Variants in KCNQ5 observed in about 807,000 individuals in gnomAD.
KCNQ5 encodes the protein potassium voltage-gated channel subfamily KQT member 5.
KCNQ5 carries 30 observed loss-of-function variants against 98.2 expected under a neutral mutation model. That is an observed-to-expected ratio of 0.31 (90% CI 0.23 to 0.41). The LOEUF is 0.41. KCNQ5 is among the 10% of genes least tolerant of loss of function. The probability of loss-of-function intolerance (pLI) is 1.00; values close to 1 mark genes in which losing one functional copy is unlikely to be tolerated. For missense variants in KCNQ5, 835 were observed against 1,182.5 expected (o/e 0.71, Z 4.31); for synonymous variants, 458 against 449.4 (o/e 1.02, Z -0.24).
chr6:73,149,222 A>G (rs1383247721), intron 10 of KCNQ5, among the ~76,000 whole-genome samples: 2 of 152,198 alleles, frequency 1.3e-5, no homozygotes, highest in African/African-American at 4.8e-5. Flanking sequence ...ATGGGATAGG[A>G]TAGGACAGAA....
intron 1 of KCNQ5, among the ~76,000 whole-genome samples, chr6:72,910,563 G>GTGTGT (rs1562062145): frequency 6.8e-3 from 295 of 43,068 alleles, no homozygotes; most frequent in African/African-American, 0.015. Flanking sequence ...AAGGTAGGGG[G>GTGTGT]GTGTGTGTGT....
chr6:73,040,600 G>A (rs1345335859), intron 2 of KCNQ5, among the ~76,000 whole-genome samples: 19 of 152,124 alleles, frequency 1.2e-4, no homozygotes, highest in Non-Finnish European at 2.8e-4. Flanking sequence ...GGTTATCTGT[G>A]CATAAAGTCA....
At chr6:72,974,290 T>C (rs1249910286) in intron 1 of KCNQ5, among the ~76,000 whole-genome samples, 2 of 152,042 alleles carry the variant, frequency 1.3e-5, no homozygotes, top group African/African-American at 4.8e-5. Flanking sequence ...ATCTAAAATA[T>C]TTACTATCTG....
intron 2 of KCNQ5, among the ~76,000 whole-genome samples, chr6:73,037,267 G>C (rs944250718): frequency 3.3e-5 from 5 of 152,032 alleles, no homozygotes; most frequent in African/African-American, 1.2e-4. Context: ...TTAGATATTA[G>C]TCCTTTGTCA....
intron 10 of KCNQ5, chr6:73,158,253 GATTT>G (rs67419903): frequency 0.25 from 39,555 of 157,328 alleles, 5,451 homozygotes; most frequent in East Asian, 0.43. Context: ...AATTTTGGAA[GATTT>G]TTTTTTTTTT....
At chr6:72,809,529 G>A (rs1775135324) in intron 1 of KCNQ5, among the ~76,000 whole-genome samples, 1 of 151,572 alleles carries the variant, frequency 6.6e-6, no homozygotes, top group African/African-American at 2.4e-5. Flanking sequence ...TCCAGCCTGG[G>A]TGATGGAGTG....
chr6:72,993,979 A>T (rs1253208020), intron 1 of KCNQ5, among the ~76,000 whole-genome samples: 4 of 79,220 alleles, frequency 5.0e-5, no homozygotes, highest in African/African-American at 2.5e-4. Context: ...CTCGGGGGTC[A>T]GGGGTCAGGG....
intron 1 of KCNQ5, among the ~76,000 whole-genome samples, chr6:72,703,659 G>T (rs1471636280): frequency 6.6e-6 from 1 of 152,158 alleles, no homozygotes; most frequent in Non-Finnish European, 1.5e-5. Flanking sequence ...AAGTTTAGGT[G>T]GTGTAGACGT....
At chr6:72,734,425 C>T (rs577877582) in intron 1 of KCNQ5, among the ~76,000 whole-genome samples, 12 of 151,978 alleles carry the variant, frequency 7.9e-5, no homozygotes, top group South Asian at 2.1e-4. Flanking sequence ...GGGTTCACGC[C>T]ATTCTCCTGC....
intron 1 of KCNQ5, among the ~76,000 whole-genome samples, chr6:72,851,996 A>C (rs1250966640): frequency 1.3e-5 from 2 of 152,152 alleles, no homozygotes; most frequent in African/African-American, 4.8e-5. Context: ...ATATAACTAC[A>C]CATACACATA....
intron 2 of KCNQ5, among the ~76,000 whole-genome samples, chr6:73,030,446 C>G (rs1219467917): frequency 6.6e-6 from 1 of 152,140 alleles, no homozygotes; most frequent in Admixed American, 6.5e-5. Context: ...ATGTGTTTTC[C>G]TACCTCTCAA....
intron 10 of KCNQ5, among the ~76,000 whole-genome samples, chr6:73,167,414 G>C (rs933543826): frequency 6.6e-6 from 1 of 152,164 alleles, no homozygotes; most frequent in African/African-American, 2.4e-5. Flanking sequence ...AAAGGGCATG[G>C]GCTTTGGAGC....
rs531600732 is a variant in KCNQ5 at position 72,850,683 on chromosome 6, C to T, written c.399-153225C>T. Among the ~76,000 whole-genome samples, 33 of 152,280 alleles carry T rather than the reference C, an allele frequency of 2.2e-4. 1 individual carries two copies. In the South Asian group the frequency reaches 6.8e-3, roughly 32 times the overall value. ...GAATGCTGCCTTTCCAGGTCACAGC[C>T]ATAGCTGGAGCTTCTCTAAACAACC... On this transcript the variant is annotated intron_variant, in intron 1 of 13. Coordinates refer to ENST00000370398, the MANE Select transcript of KCNQ5 (RefSeq NM_019842.4).
chr6:72,786,194 A>G lies in KCNQ5; in HGVS notation c.398+163607A>G, dbSNP rs140964367. ...GTGTATTTTAACATAGCACACCTCA[A>G]TTTGAACCAACCACATTTCAAGTAG... On this transcript the variant is annotated intron_variant, in intron 1 of 13. Coordinates refer to ENST00000370398, the MANE Select transcript of KCNQ5 (RefSeq NM_019842.4). Among the ~76,000 whole-genome samples the G allele has an allele frequency of 1.9e-4, 29 of 152,298 alleles. No homozygotes were observed. In the East Asian group the frequency reaches 4.8e-3, roughly 25 times the overall value.
chr6:73,033,085 C>T (rs991577959), intron 2 of KCNQ5, among the ~76,000 whole-genome samples: 7 of 152,208 alleles, frequency 4.6e-5, no homozygotes, highest in Middle Eastern at 3.4e-3. Flanking sequence ...CAAGAGAGGA[C>T]GGAAGTCCTC....
At chr6:72,730,853 A>G (rs1211664996) in intron 1 of KCNQ5, among the ~76,000 whole-genome samples, 1 of 151,624 alleles carries the variant, frequency 6.6e-6, no homozygotes, top group Non-Finnish European at 1.5e-5. Context: ...AAAAAAAAGT[A>G]TTGACATTCA....
At chr6:72,986,520 G>A in intron 1 of KCNQ5, 1 of 556,222 alleles carries the variant, frequency 1.8e-6, no homozygotes, top group Non-Finnish European at 3.2e-6. Context: ...TAAGAGTGTG[G>A]TCCATGGGAA....
chr6:72,867,499 A>G (rs1778035386), intron 1 of KCNQ5, among the ~76,000 whole-genome samples: 1 of 152,242 alleles, frequency 6.6e-6, no homozygotes, highest in Admixed American at 6.5e-5. Flanking sequence ...AAAAATACAG[A>G]TAAATGGAAG....
At chr6:73,178,116 T>G (rs184847311) in intron 11 of KCNQ5, among the ~76,000 whole-genome samples, 210 of 130,240 alleles carry the variant, frequency 1.6e-3, no homozygotes, top group Non-Finnish European at 2.2e-3. Context: ...TATTATTTGG[T>G]TTTTTTTTTT....
Sources: allele counts gnomAD v4.1 joint callset (sites outside exome capture counted in the v4.1 genomes callset), GRCh38; gene constraint gnomAD v4.1.1; transcripts MANE v1.5; gene names NCBI Gene and HGNC (gene_info 2026-07-23, HGNC 2026-07-21).